DIP2C: variants seen among roughly 807,000 people sequenced by gnomAD.
DIP2C encodes the protein DIP2 acetate--CoA ligase C (putative).
Under a neutral mutation model 192.4 loss-of-function variants are expected in DIP2C, and 33 were observed. That is an observed-to-expected ratio of 0.17 (90% CI 0.13 to 0.23). The LOEUF (loss-of-function observed/expected upper bound fraction) is 0.23, where lower values mean the gene tolerates loss of function less well. Among genes scored for constraint, DIP2C ranks in the 10% least tolerant of loss-of-function variants. DIP2C has a pLI of 1.00. For missense variants in DIP2C, 1,537 were observed against 2,110.1 expected (o/e 0.73, Z 5.32); for synonymous variants, 979 against 864.1 (o/e 1.13, Z -2.33).
chr10:520,117 G>GCA (rs973774457), intron 1 of DIP2C, among the ~76,000 whole-genome samples: 65 of 152,364 alleles, frequency 4.3e-4, no homozygotes, highest in African/African-American at 1.4e-3. Context: ...AACAGGTCAT[G>GCA]CAAGGAAGTT....
At chr10:600,962 C>CA (rs1262964066) in intron 1 of DIP2C, among the ~76,000 whole-genome samples, 2 of 152,150 alleles carry the variant, frequency 1.3e-5, no homozygotes, top group Non-Finnish European at 2.9e-5. Flanking sequence ...TCTGTGGTGT[C>CA]ACGTGCACAC....
intron 1 of DIP2C, among the ~76,000 whole-genome samples, chr10:579,273 T>C (rs191142832): frequency 2.6e-5 from 4 of 151,924 alleles, no homozygotes; most frequent in African/African-American, 4.8e-5. Flanking sequence ...GCATACAGCA[T>C]ACACACATCC....
chr10:311,109 AAG>A (rs887230026), intron 31 of DIP2C, among the ~76,000 whole-genome samples: 1 of 152,036 alleles, frequency 6.6e-6, no homozygotes, highest in African/African-American at 2.4e-5. Context: ...GACAGGGAAA[AAG>A]AACAGCACAT....
chr10:431,350 G>A lies in DIP2C; in HGVS notation c.395-8317C>T, dbSNP rs890067395. Among the ~76,000 whole-genome samples the A allele has an allele frequency of 3.3e-5, 5 of 152,268 alleles. No individual in the cohort carries two copies. In the East Asian group the frequency reaches 9.6e-4, roughly 29 times the overall value. On this transcript the variant is annotated intron_variant, in intron 4 of 36. Transcript: ENST00000280886. ...GACTACCTGTCCATTTAGTTTTTCT[G>A]TGAATGAGTTTTGTAGTTTTCCTCA... is the stretch of plus-strand genomic sequence containing the variant.
intron 1 of DIP2C, among the ~76,000 whole-genome samples, chr10:626,055 G>C (rs555619500): frequency 6.6e-6 from 1 of 152,334 alleles, no homozygotes; most frequent in African/African-American, 2.4e-5. Flanking sequence ...GTTCCCAGAA[G>C]GTAAAGTGAG....
chr10:356,566 G>C, intron 23 of DIP2C, 60 bp from the exon 24 acceptor site: 2 of 1,450,500 alleles, frequency 1.4e-6, no homozygotes, highest in Non-Finnish European at 9.5e-7. Context: ...TGTGCGGGCT[G>C]AGGTGGGGCA....
At chr10:387,689 A>G in intron 14 of DIP2C, 56 bp downstream of exon 14, 2 of 1,463,316 alleles carry the variant, frequency 1.4e-6, no homozygotes, top group South Asian at 2.3e-5. Flanking sequence ...GTGGACAGGC[A>G]GGGCAGGGTG....
At chr10:369,663 C>CA (rs1433495847) in intron 17 of DIP2C, 30 bp from the exon 18 acceptor site, 1 of 1,614,016 alleles carries the variant, frequency 6.2e-7, no homozygotes. Context: ...CTTGAATATG[C>CA]AGGAGCAGAT....
chr10:491,844 G>A (rs1352330785), intron 1 of DIP2C, among the ~76,000 whole-genome samples: 5 of 152,222 alleles, frequency 3.3e-5, no homozygotes, highest in African/African-American at 7.2e-5. Flanking sequence ...ACACAGACCT[G>A]CTGTGCACCC....
chr10:553,610 G>A (rs1848689690), intron 1 of DIP2C, among the ~76,000 whole-genome samples: 1 of 152,190 alleles, frequency 6.6e-6, no homozygotes, highest in Non-Finnish European at 1.5e-5. Flanking sequence ...ATTGAATACT[G>A]TGGAATTAGG....
intron 3 of DIP2C, among the ~76,000 whole-genome samples, chr10:464,083 G>T (rs564780419): frequency 2.6e-5 from 4 of 152,168 alleles, no homozygotes; most frequent in East Asian, 1.9e-4. Context: ...ACATAGACAT[G>T]GCCAAAGACT....
At chr10:493,832 ACAGTCT>A (rs1331915012) in intron 1 of DIP2C, among the ~76,000 whole-genome samples, 1 of 152,236 alleles carries the variant, frequency 6.6e-6, no homozygotes, top group Admixed American at 6.5e-5. Context: ...TTCACAGATG[ACAGTCT>A]CAGCAAGTCC....
At chr10:661,423 C>T (rs1181611665) in intron 1 of DIP2C, among the ~76,000 whole-genome samples, 1 of 152,220 alleles carries the variant, frequency 6.6e-6, no homozygotes, top group Non-Finnish European at 1.5e-5. Flanking sequence ...GGACCATCTC[C>T]ACCTGCTCCC....
At chr10:658,260 G>GCTGGACCTGCCCCTGGACCTGCCC (rs1212247088) in intron 1 of DIP2C, among the ~76,000 whole-genome samples, 1 of 120,118 alleles carries the variant, frequency 8.3e-6, no homozygotes, top group East Asian at 2.6e-4. Flanking sequence ...TGGACCTGAT[G>GCTGGACCTGCCCCTGGACCTGCCC]CTGGACCTGC....
chr10:540,351 CA>C (rs1208267033), intron 1 of DIP2C, among the ~76,000 whole-genome samples: 1 of 152,268 alleles, frequency 6.6e-6, no homozygotes, highest in African/African-American at 2.4e-5. Flanking sequence ...GCCCCCGTCA[CA>C]GGGGGAAAGC....
chr10:372,461 T>C (rs1430269255), intron 17 of DIP2C, among the ~76,000 whole-genome samples: 2 of 152,256 alleles, frequency 1.3e-5, no homozygotes, highest in Admixed American at 6.5e-5. Flanking sequence ...TTACAAATTG[T>C]GTTTGCTATA....
intron 33 of DIP2C, among the ~76,000 whole-genome samples, chr10:286,985 G>A (rs896948232): frequency 1.3e-5 from 2 of 152,198 alleles, no homozygotes; most frequent in African/African-American, 4.8e-5. Flanking sequence ...GCAGGTTTTC[G>A]TTAGAACGTC....
At chr10:312,853 C>T (rs1247153911) in intron 31 of DIP2C, among the ~76,000 whole-genome samples, 2 of 152,124 alleles carry the variant, frequency 1.3e-5, no homozygotes, top group African/African-American at 2.4e-5. Context: ...TCCTTGAAAC[C>T]TAAATATTAA....
chr10:561,316 T>C (rs1849203756), intron 1 of DIP2C, among the ~76,000 whole-genome samples: 1 of 152,128 alleles, frequency 6.6e-6, no homozygotes, highest in Admixed American at 6.5e-5. Flanking sequence ...TCACAATGGA[T>C]TGGAGGCAGC....
Sources: gnomAD v4.1 joint callset for allele counts (sites outside exome capture counted in the v4.1 genomes callset) on GRCh38, gnomAD v4.1.1 for gene constraint, MANE v1.5 for transcripts, NCBI Gene and HGNC (gene_info 2026-07-23, HGNC 2026-07-21) for gene names.